The following TMEM156 variants were observed in gnomAD, a reference collection of about 807,000 sequenced individuals.
TMEM156 encodes the protein transmembrane protein 156.
In TMEM156, 28 loss-of-function variants were observed where a neutral mutation model predicts 30.5. The ratio of observed to expected loss-of-function variants is 0.92; its 90% confidence interval spans 0.68 to 1.26. The LOEUF is 1.26. TMEM156 is among the 50% of genes most tolerant of loss of function. The pLI is 0.00. For synonymous variants in TMEM156, 137 were observed against 119.9 expected (o/e 1.14, Z -0.93); for missense variants, 351 against 340.6 (o/e 1.03, Z -0.24).
chr4:39,013,373 GTTTATTTATTTATTTATTTATTTA>G (rs71192811), intron 1 of TMEM156, among the ~76,000 whole-genome samples: 8 of 141,314 alleles, frequency 5.7e-5, no homozygotes, highest in South Asian at 2.3e-4. Flanking sequence ...GACATAATTG[GTTTATTTATTTATTTATTTATTTA>G]TTTATTTATT....
At position 38,978,741 on chromosome 4, in the gene TMEM156, C is replaced by T. The variant is rs1723022484; in HGVS notation, c.823+7595G>A. 2.0e-5 allele frequency among the ~76,000 whole-genome samples: 3 copies of T among 152,138 alleles called. No individual in the cohort carries two copies. In the South Asian group the frequency reaches 6.2e-4, roughly 32 times the overall value. On this transcript the variant is annotated intron_variant, in intron 5 of 6. Transcript: ENST00000381938. ...CTGTTAAATGAGCTTGTCAGGCTAC[C>T]CCTAAAATGGGGAGAAAGTCTCAAG...
At chr4:39,027,198 T>C (rs1715251619) in intron 1 of TMEM156, among the ~76,000 whole-genome samples, 1 of 152,214 alleles carries the variant, frequency 6.6e-6, no homozygotes, top group African/African-American at 2.4e-5. Context: ...AAGGCCTTAT[T>C]GGGGATTACT....
intron 5 of TMEM156, among the ~76,000 whole-genome samples, chr4:38,977,593 A>G (rs1560355829): frequency 6.6e-6 from 1 of 152,230 alleles, no homozygotes; most frequent in Non-Finnish European, 1.5e-5. Context: ...AAGAAATACA[A>G]TTTCTTTCAA....
At chr4:39,011,323 G>GTT (rs1474176320) in intron 1 of TMEM156, among the ~76,000 whole-genome samples, 1 of 152,206 alleles carries the variant, frequency 6.6e-6, no homozygotes, top group Non-Finnish European at 1.5e-5. Context: ...TTCAGGCCCT[G>GTT]TGGAAAGCAG....
chr4:39,031,490 T>C (rs1715499800), intron 1 of TMEM156, among the ~76,000 whole-genome samples: 1 of 152,210 alleles, frequency 6.6e-6, no homozygotes, highest in Non-Finnish European at 1.5e-5. Context: ...TGACGGTAAG[T>C]TATCTGTGTG....
chr4:39,005,242 T>C (rs1330000972), intron 1 of TMEM156, among the ~76,000 whole-genome samples: 1 of 152,206 alleles, frequency 6.6e-6, no homozygotes, highest in African/African-American at 2.4e-5. Flanking sequence ...TTTGTGTCCC[T>C]ACCTAAATCT....
In TMEM156 at chr4:39,029,179, T is replaced by C. The variant is rs2110075448; in HGVS notation, c.88+3047A>G. Among the ~76,000 whole-genome samples the C allele has an allele frequency of 3.3e-5, 5 of 152,262 alleles. No homozygotes were observed. The Middle Eastern group carries it at 0.014, about 414-fold the overall frequency. On this transcript the variant is annotated intron_variant, in intron 1 of 6. Transcript: ENST00000381938. ...ATTTCTCATTAAGATTCCTTTTGAA[T>C]TCATTTCACATGTTAAAGACAGGGT... is the stretch of plus-strand genomic sequence containing the variant.
chr4:38,992,723 T>A (rs1237463632), intron 3 of TMEM156, among the ~76,000 whole-genome samples: 4 of 50,702 alleles, frequency 7.9e-5, no homozygotes, highest in African/African-American at 1.3e-4. Context: ...TATATATATA[T>A]AATATATATA....
rs1157992308 is a variant in TMEM156 at position 38,998,690 on chromosome 4, C to T, written c.308G>A (p.Cys103Tyr). Residue 103 changes from cysteine (C) to tyrosine (Y), a missense_variant, in exon 2 of 7, where the codon TGT (cysteine) becomes TAT (tyrosine). Cys to Tyr is a radical substitution (Grantham distance 194). Transcript: ENST00000381938. The stretch of plus-strand genomic sequence containing the variant: ...AAAATCCATGTTTCCTTTAGACTCA[C>T]AAACCAAACACGAGGAGCACATTTT... Reference protein sequence around the residue: ...EFKMCSSCLVCESKGNMDFIS... With the variant: ...EFKMCSSCLVYESKGNMDFIS... 4 of 1,613,240 alleles carry T rather than the reference C, an allele frequency of 2.5e-6. No homozygotes were observed. In the Admixed American group the frequency reaches 6.7e-5, roughly 27 times the overall value.
In TMEM156 at chr4:38,971,029, C is replaced by T; in HGVS notation, c.*38+3G>A. 1 of 1,556,410 alleles carries T rather than the reference C, an allele frequency of 6.4e-7. No homozygotes were observed. Among genetic ancestry groups the T allele is most frequent in the African/African-American group, 1.4e-5 (1 of 73,654 alleles). Reference sequence around the variant, plus strand: ...AAGTCGATAAAGCCGAATCATCACTCACCGTGTATATTGATCTCACTGATG... The same window carrying T: ...AAGTCGATAAAGCCGAATCATCACTTACCGTGTATATTGATCTCACTGATG... On this transcript the variant is annotated splice_donor_region_variant and intron_variant, in intron 6 of 6. Coordinates refer to ENST00000381938, the MANE Select transcript of TMEM156 (RefSeq NM_024943.3).
intron 6 of TMEM156, among the ~76,000 whole-genome samples, chr4:38,969,042 A>T (rs1722474222): frequency 6.6e-6 from 1 of 152,214 alleles, no homozygotes; most frequent in African/African-American, 2.4e-5. Context: ...TGTTCTATGT[A>T]TATAATGCAT....
chr4:38,988,735 C>T, intron 4 of TMEM156, 116 bp downstream of exon 4: 1 of 1,357,964 alleles, frequency 7.4e-7, no homozygotes, highest in South Asian at 1.3e-5. Flanking sequence ...CTTGAGTTAC[C>T]AAGAATCACC....
intron 6 of TMEM156, 41 bp downstream of exon 6, chr4:38,970,991 G>A: frequency 1.5e-6 from 2 of 1,300,156 alleles, no homozygotes; most frequent in East Asian, 2.4e-5. Flanking sequence ...ATTTATCTGT[G>A]TTTATAATGA....
At chr4:38,995,179 A>G (rs545050652) in intron 2 of TMEM156, among the ~76,000 whole-genome samples, 10 of 152,212 alleles carry the variant, frequency 6.6e-5, no homozygotes, top group African/African-American at 9.6e-5. Context: ...CTTTTTTGTA[A>G]GAATATCAGT....
At chr4:38,984,288 T>C (rs1489363716) in intron 5 of TMEM156, among the ~76,000 whole-genome samples, 3 of 152,080 alleles carry the variant, frequency 2.0e-5, no homozygotes, top group Non-Finnish European at 4.4e-5. Flanking sequence ...AAGCTTCTTT[T>C]GGAGGTACGA....
rs1194857194 is a variant in TMEM156 at position 38,975,387 on chromosome 4, T to C, written c.824-4250A>G. 3.4e-5 allele frequency among the ~76,000 whole-genome samples: 5 copies of C among 147,298 alleles called. No individual in the cohort carries two copies. In the East Asian group the frequency reaches 5.8e-4, roughly 17 times the overall value. On this transcript the variant is annotated intron_variant, in intron 5 of 6. Transcript: ENST00000381938. ...TTTTTCTTTTCTTTTTTCTTTTCTT[T>C]TTTTTTTTTTTTTGAGACAGAGTCT...
At chr4:38,997,125 G>A (rs894635125) in intron 2 of TMEM156, among the ~76,000 whole-genome samples, 52 of 152,190 alleles carry the variant, frequency 3.4e-4, no homozygotes, top group African/African-American at 1.2e-3. Flanking sequence ...TTTCAAGGAG[G>A]CAGAGAAGAT....
chr4:38,998,870 T>A lies in TMEM156; in HGVS notation c.128A>T (p.Gln43Leu). 6.2e-7 allele frequency: 1 copy of A among 1,613,774 alleles called. No individual in the cohort carries two copies. The highest frequency in any genetic ancestry group is 8.5e-7 in the Non-Finnish European group (1 of 1,179,892). Reference protein sequence around the residue: ...LELSCLEVCLQSNFTYSLSSL... With the variant: ...LELSCLEVCLLSNFTYSLSSL... ...GGAGAGTGAATAGGTAAAATTAGAT[T>A]GCAAACACACTTCCAGACATGATAG... Residue 43 changes from glutamine (Q) to leucine (L), a missense_variant, in exon 2 of 7, where the codon CAA becomes CTA. Transcript: ENST00000381938.
At chr4:38,969,178 A>C (rs1722482115) in intron 6 of TMEM156, among the ~76,000 whole-genome samples, 1 of 152,100 alleles carries the variant, frequency 6.6e-6, no homozygotes, top group Non-Finnish European at 1.5e-5. Context: ...CTGACTGTAC[A>C]TTTGTACCCT....
Sources: gnomAD v4.1 joint callset for allele counts (sites outside exome capture counted in the v4.1 genomes callset) on GRCh38, gnomAD v4.1.1 for gene constraint, MANE v1.5 for transcripts, NCBI Gene and HGNC (gene_info 2026-07-23, HGNC 2026-07-21) for gene names.